The following FBXO43 variants were observed in gnomAD, a reference collection of about 807,000 sequenced individuals.
FBXO43 encodes the protein F-box protein 43.
A neutral mutation model predicts 56.7 loss-of-function variants in FBXO43; 22 were observed. The ratio of observed to expected loss-of-function variants is 0.39; its 90% CI spans 0.28 to 0.55. The LOEUF (loss-of-function observed/expected upper bound fraction) is 0.55, where lower values mean the gene tolerates loss of function less well. Ranked by LOEUF, FBXO43 falls within the 20% of genes least tolerant of loss-of-function variation. The pLI, the probability that FBXO43 is intolerant of heterozygous loss-of-function variation, is 0.66. For synonymous variants in FBXO43, 306 were observed against 294.5 expected (o/e 1.04, Z -0.40); for missense variants, 733 against 814.9 (o/e 0.90, Z 1.22).
At chr8:100,140,459 G>A (rs1027529769) in intron 2 of FBXO43, among the ~76,000 whole-genome samples, 1 of 152,100 alleles carries the variant, frequency 6.6e-6, no homozygotes, top group African/African-American at 2.4e-5. Context: ...GACAGAGCGA[G>A]ACTCTTGCTC....
chr8:100,134,420 G>T, intron 3 of FBXO43, 56 bp from the exon 4 acceptor site: 1 of 1,409,264 alleles, frequency 7.1e-7, no homozygotes, highest in Non-Finnish European at 1.0e-6. Context: ...TTCCGGGATA[G>T]CTTTCTGATG....
chr8:100,137,733 C>G, intron 2 of FBXO43, 66 bp from the exon 3 acceptor site: 1 of 1,156,898 alleles, frequency 8.6e-7, no homozygotes, highest in Non-Finnish European at 1.2e-6. Flanking sequence ...GTTGTATACG[C>G]TAACTAATGA....
chr8:100,141,315 G>T lies in FBXO43; in HGVS notation c.939C>A (p.Asn313Lys). 1 of 1,613,908 alleles carries T rather than the reference G, an allele frequency of 6.2e-7. No individual in the cohort carries two copies. Among genetic ancestry groups the T allele is most frequent in the Non-Finnish European group, 8.5e-7 (1 of 1,180,044 alleles). The change falls in exon 2 of 5, where the codon AAC becomes AAA. Residue 313 changes from asparagine (N) to lysine (K), a missense_variant. Coordinates refer to ENST00000428847, the MANE Select transcript of FBXO43 (RefSeq NM_001029860.4). ...GTGAAGGAGAAAGTATTTGACTTGC[G>T]TTAAATCTAATGTTTGCCACAAGAT... ...ISNLVANIRF[N>K]ASQILSPSPE...
At position 100,140,858 on chromosome 8, in the gene FBXO43, A is replaced by G; in HGVS notation, c.1396T>C (p.Phe466Leu). ...KRLQENSGHE[F>L]LEQGDGEKIA... ...TTCTCCCCATCCCCTTGCTCTAAGA[A>G]TTCATGTCCACTATTTTCCTGTAAT... The change falls in exon 2 of 5, where the codon TTC (phenylalanine) becomes CTC (leucine). Residue 466 changes from phenylalanine to leucine, a missense_variant. Coordinates refer to ENST00000428847, the MANE Select transcript of FBXO43 (RefSeq NM_001029860.4). The G allele has an allele frequency of 6.2e-7, 1 of 1,614,226 alleles. No individual in the cohort carries two copies. The highest frequency in any genetic ancestry group is 8.5e-7 in the Non-Finnish European group (1 of 1,180,038).
At chr8:100,148,487 C>T (rs1203337331), upstream of FBXO43, among the ~76,000 whole-genome samples, 2 of 152,228 alleles carry the variant, frequency 1.3e-5, no homozygotes. Context: ...TTTCAGCTCA[C>T]TGCAACCTTC....
chr8:100,145,986 C>A (rs983154985), upstream of FBXO43, among the ~76,000 whole-genome samples: 2 of 152,224 alleles, frequency 1.3e-5, no homozygotes, highest in Admixed American at 6.5e-5. Flanking sequence ...CGTCCCGAGG[C>A]GGGTCAGAAA....
chr8:100,133,891 C>T lies in FBXO43; in HGVS notation c.2038G>A (p.Glu680Lys). 1 of 1,614,092 alleles carries T rather than the reference C, an allele frequency of 6.2e-7. No homozygotes were observed. Among genetic ancestry groups the T allele is most frequent in the Non-Finnish European group, 8.5e-7 (1 of 1,179,988 alleles). The change falls in exon 5 of 5, where the codon GAA (glutamate) becomes AAA (lysine). Residue 680 changes from glutamate to lysine, a missense_variant. Coordinates refer to ENST00000428847, the MANE Select transcript of FBXO43 (RefSeq NM_001029860.4). The stretch of plus-strand genomic sequence containing the variant: ...GGCTTTGCTGCTCCTCTACTACATT[C>T]TTCAGACCCATGATAAGCACACAGA... ...LCLCAYHGSEECSRGAAKPRN... is the reference protein window; with the variant it reads ...LCLCAYHGSEKCSRGAAKPRN...
intron 3 of FBXO43, among the ~76,000 whole-genome samples, chr8:100,135,708 G>A (rs1001088539): frequency 3.3e-5 from 5 of 151,980 alleles, no homozygotes; most frequent in Non-Finnish European, 7.4e-5. Context: ...AGGTTCAAGT[G>A]ATCCTCCCAC....
At chr8:100,134,488 T>C (rs1814408631) in intron 3 of FBXO43, 124 bp from the exon 4 acceptor site, 1 of 615,764 alleles carries the variant, frequency 1.6e-6, no homozygotes, top group South Asian at 4.9e-5. Flanking sequence ...CTCCCTAGGC[T>C]GTTCCTTTTC....
rs1814632650 is a variant in FBXO43 at position 100,141,118 on chromosome 8, C to T, written c.1136G>A (p.Gly379Glu). The stretch of plus-strand genomic sequence containing the variant: ...AAGGGTGGACAGTCTTCTCGACCTT[C>T]CAAGATGTCTTGTCTTTCTTATGGT... Reference protein sequence around the residue: ...GDTIRKTRHLGRSRRLSTLRE... With the variant: ...GDTIRKTRHLERSRRLSTLRE... Residue 379 changes from glycine (G) to glutamate (E), a missense_variant, in exon 2 of 5, where the codon GGA becomes GAA. Physicochemically the swap from Gly to Glu is moderately conservative, Grantham distance 98. Transcript: ENST00000428847. 6.2e-7 allele frequency: 1 copy of T among 1,614,086 alleles called. No homozygotes were observed. The highest frequency in any genetic ancestry group is 1.3e-5 in the African/African-American group (1 of 74,938).
upstream of FBXO43, among the ~76,000 whole-genome samples, chr8:100,150,218 C>T (rs3133677): frequency 0.037 from 5,657 of 152,274 alleles, 305 homozygotes; most frequent in African/African-American, 0.11. Flanking sequence ...TGCCCCAGTA[C>T]AGATATCAAA....
chr8:100,145,771 C>G lies in FBXO43; in HGVS notation c.-636G>C, dbSNP rs973130332. The G allele has an allele frequency of 2.6e-5, 4 of 152,398 alleles. No homozygotes were observed. The highest frequency in any genetic ancestry group is 9.6e-5 in the African/African-American group (4 of 41,460). The allele number at this position is 152,398 out of a possible 1,614,324, so 9.4% of individuals were successfully genotyped here. Reference sequence around the variant, plus strand: ...CCCTGGGATGCGGGCTATGGCAACCCCCACGCCAGCTTCGCGTGGGGCCGC... The same window carrying G: ...CCCTGGGATGCGGGCTATGGCAACCGCCACGCCAGCTTCGCGTGGGGCCGC... On this transcript the variant is annotated 5_prime_UTR_variant, in exon 1 of 5. Transcript: ENST00000428847.
In FBXO43 at chr8:100,141,411, C is replaced by A; in HGVS notation, c.843G>T (p.Glu281Asp). ...LCINDENACPELLGSSVSGTT... is the reference protein window; with the variant it reads ...LCINDENACPDLLGSSVSGTT... ...TTCCACTAACAGAGGAGCCCAGGAGCTCTGGACATGCATTCTCATCATTAA... is the reference window on the plus strand; with the variant it reads ...TTCCACTAACAGAGGAGCCCAGGAGATCTGGACATGCATTCTCATCATTAA... Residue 281 changes from glutamate to aspartate, a missense_variant, in exon 2 of 5, where the codon GAG (glutamate) becomes GAT (aspartate). Coordinates refer to ENST00000428847, the MANE Select transcript of FBXO43 (RefSeq NM_001029860.4). The A allele has an allele frequency of 1.2e-6, 2 of 1,613,532 alleles. No homozygotes were observed. Among genetic ancestry groups the A allele is most frequent in the Non-Finnish European group, 1.7e-6 (2 of 1,180,008 alleles).
chr8:100,140,922 T>C lies in FBXO43; in HGVS notation c.1332A>G (p.Gln444=). Residue 444 remains glutamine (Q), a synonymous_variant, in exon 2 of 5, where the codon CAA becomes CAG. Coordinates refer to ENST00000428847, the MANE Select transcript of FBXO43 (RefSeq NM_001029860.4). ...TTTTCATGAACAGCTCATGTACCAA[T>C]TGCAAGGCTGGGGTCTTTGATAAAT... is the stretch of plus-strand genomic sequence containing the variant. ...LKNLSKTPAL[Q]LVHELFMKSK... 1.2e-6 allele frequency: 2 copies of C among 1,614,210 alleles called. No homozygotes were observed. The highest frequency in any genetic ancestry group is 1.7e-6 in the Non-Finnish European group (2 of 1,180,038).
At chr8:100,135,412 C>T (rs548770774) in intron 3 of FBXO43, among the ~76,000 whole-genome samples, 7 of 152,066 alleles carry the variant, frequency 4.6e-5, no homozygotes, top group African/African-American at 1.7e-4. Context: ...CTTGATGGAT[C>T]AAGAATCAAG....
chr8:100,141,818 T>C lies in FBXO43; in HGVS notation c.436A>G (p.Lys146Glu), dbSNP rs1814664192. Reference protein sequence around the residue: ...DKTPELCETPKISGKKCLPRR... With the variant: ...DKTPELCETPEISGKKCLPRR... The stretch of plus-strand genomic sequence containing the variant: ...GGTAAACATTTTTTCCCACTGATTT[T>C]AGGTGTTTCACAAAGTTCTGGGGTT... The change falls in exon 2 of 5, where the codon AAA becomes GAA. Residue 146 changes from lysine (K) to glutamate (E), a missense_variant. Coordinates refer to ENST00000428847, the MANE Select transcript of FBXO43 (RefSeq NM_001029860.4). 1 of 1,586,438 alleles carries C rather than the reference T, an allele frequency of 6.3e-7. No individual in the cohort carries two copies.
rs954702094 is a variant in FBXO43, at chr8:100,133,938, C to A, written c.1991G>T (p.Gly664Val). ...KRGLCSRTAC[G>V]FDFCVLCLCA... ...CAGACATAACACACAAAAGTCAAAACCACAGGCTGTTCGGCTACACAGTCC... is the reference window on the plus strand; with the variant it reads ...CAGACATAACACACAAAAGTCAAAAACACAGGCTGTTCGGCTACACAGTCC... The change falls in exon 5 of 5, where the codon GGT becomes GTT. Residue 664 changes from glycine (G) to valine (V), a missense_variant. Physicochemically the swap from Gly to Val is moderately radical, Grantham distance 109 (BLOSUM62 -3). Transcript: ENST00000428847. The A allele has an allele frequency of 6.2e-7, 1 of 1,614,018 alleles. No homozygotes were observed. The highest frequency in any genetic ancestry group is 1.3e-5 in the African/African-American group (1 of 74,908).
intron 3 of FBXO43, 32 bp downstream of exon 3, chr8:100,137,533 A>C: frequency 7.1e-7 from 1 of 1,409,048 alleles, no homozygotes; most frequent in South Asian, 1.2e-5. Context: ...TATTTATACA[A>C]ATCCATTTTA....
In FBXO43 at chr8:100,133,628, T is replaced by C. The variant is rs908149721; in HGVS notation, c.*174A>G. On this transcript the variant is annotated 3_prime_UTR_variant, in exon 5 of 5. Transcript: ENST00000428847. Reference sequence around the variant, plus strand: ...GGTAAAATGACATAGTAAAATAAAATTTTTTCAAAACAACTTTAAAGAAAA... The same window carrying C: ...GGTAAAATGACATAGTAAAATAAAACTTTTTCAAAACAACTTTAAAGAAAA... 2 of 699,352 alleles carry C rather than the reference T, an allele frequency of 2.9e-6. No individual in the cohort carries two copies. Among genetic ancestry groups the C allele is most frequent in the Non-Finnish European group, 2.1e-6 (1 of 471,528 alleles). 43.3% of individuals were successfully genotyped at this position (699,352 alleles called of 1,614,324 possible).
Sources: allele counts gnomAD v4.1 joint callset (sites outside exome capture counted in the v4.1 genomes callset), GRCh38; gene constraint gnomAD v4.1.1; transcripts MANE v1.5; gene names NCBI Gene and HGNC (gene_info 2026-07-23, HGNC 2026-07-21).